Variants in PREX2 observed in about 807,000 individuals in gnomAD.
PREX2 encodes phosphatidylinositol 3,4,5-trisphosphate-dependent Rac exchanger 2 protein.
Under a neutral mutation model 203.2 loss-of-function variants are expected in PREX2, and 107 were observed. The observed-to-expected ratio is 0.53, with a 90% CI of 0.45 to 0.62. The LOEUF (loss-of-function observed/expected upper bound fraction) is 0.62, where lower values mean the gene tolerates loss of function less well. Among genes scored for constraint, PREX2 ranks in the 20% least tolerant of loss-of-function variants. The pLI is 0.00. For missense variants in PREX2, 1,777 were observed against 1,955.9 expected, an observed-to-expected ratio of 0.91 and a Z score of 1.72; for synonymous variants, 672 against 663.6, an observed-to-expected ratio of 1.01 and a Z score of -0.19.
chr8:68,116,418 C>T (rs1810660592), intron 26 of PREX2, among the ~76,000 whole-genome samples: 1 of 152,014 alleles, frequency 6.6e-6, no homozygotes, highest in African/African-American at 2.4e-5. Flanking sequence ...TCTTGGATAC[C>T]TTCTGTATTA....
intron 35 of PREX2, among the ~76,000 whole-genome samples, chr8:68,164,966 T>A (rs1300435394): frequency 6.7e-6 from 1 of 149,656 alleles, no homozygotes; most frequent in Non-Finnish European, 1.5e-5. Flanking sequence ...CAAAAGGAGC[T>A]AATTCCCTAA....
intron 14 of PREX2, among the ~76,000 whole-genome samples, chr8:68,076,449 T>TC (rs1172611605): frequency 6.7e-6 from 1 of 149,824 alleles, no homozygotes; most frequent in African/African-American, 2.4e-5. Context: ...AGAGTGAGAC[T>TC]CCATCTTAAA....
At chr8:67,954,010 C>T (rs150550832) in intron 1 of PREX2, among the ~76,000 whole-genome samples, 2 of 152,258 alleles carry the variant, frequency 1.3e-5, no homozygotes, top group East Asian at 1.9e-4. Context: ...AAGTACTGTG[C>T]AGAATGCTAA....
rs1458084329 is a variant in PREX2, at chr8:68,093,682, T to C, written c.2328T>C (p.Pro776=). 1.2e-6 allele frequency: 2 copies of C among 1,609,268 alleles called. No homozygotes were observed. Among genetic ancestry groups the C allele is most frequent in the East Asian group, 2.2e-5 (1 of 44,816 alleles). ...EDLQKSHSKP[P]GDEAGDAFDC... is the part of the protein sequence containing the mutation. The stretch of plus-strand genomic sequence containing the variant: ...TTCAAAAATCTCACTCCAAGCCCCC[T>C]GGAGATGAAGCAGGGGATGCTTTTG... The change falls in exon 21 of 40, where the codon CCT becomes CCC. Residue 776 remains proline (P), a synonymous_variant. Coordinates refer to ENST00000288368, the MANE Select transcript of PREX2 (RefSeq NM_024870.4).
Position 67,996,042 on chromosome 8 carries a change from A to T in PREX2, c.142-21804A>T, listed in dbSNP as rs184263173. ...TAATTTTAGTTCATGATATTTAGTT[A>T]ATAGTATTTTATTCTAATTTTAATT... On this transcript the variant is annotated intron_variant, in intron 1 of 39. Transcript: ENST00000288368. Among the ~76,000 whole-genome samples, 790 of 152,226 alleles carry T rather than the reference A, an allele frequency of 5.2e-3. 2 individuals are homozygous for T. Among genetic ancestry groups the T allele is most frequent in the Non-Finnish European group, 9.1e-3 (620 of 68,000 alleles).
At chr8:68,126,673 G>T (rs1810893277) in intron 30 of PREX2, among the ~76,000 whole-genome samples, 1 of 151,962 alleles carries the variant, frequency 6.6e-6, no homozygotes, top group Non-Finnish European at 1.5e-5. Context: ...CATTTAGCAG[G>T]AACTTTGTAA....
intron 1 of PREX2, among the ~76,000 whole-genome samples, chr8:67,988,771 G>A (rs918513242): frequency 3.3e-5 from 5 of 152,150 alleles, no homozygotes; most frequent in African/African-American, 4.8e-5. Context: ...GACAGGTCAC[G>A]CGTACATGAC....
intron 23 of PREX2, chr8:68,105,333 A>G: frequency 7.3e-7 from 1 of 1,367,488 alleles, no homozygotes; most frequent in Non-Finnish European, 9.8e-7. Context: ...TTCTCAAGAA[A>G]TGCTCTTAGC....
intron 37 of PREX2, among the ~76,000 whole-genome samples, chr8:68,205,524 T>C (rs1173767671): frequency 1.3e-5 from 2 of 152,332 alleles, no homozygotes; most frequent in South Asian, 2.1e-4. Context: ...TCTCTGCCTA[T>C]GTAGAACCGT....
At chr8:68,024,135 CTTA>C (rs1237023531) in intron 4 of PREX2, among the ~76,000 whole-genome samples, 2 of 151,828 alleles carry the variant, frequency 1.3e-5, no homozygotes, top group Non-Finnish European at 2.9e-5. Context: ...TGTTTAGTAA[CTTA>C]TTATATTTCT....
intron 1 of PREX2, among the ~76,000 whole-genome samples, chr8:67,965,039 C>T (rs1321077816): frequency 6.6e-6 from 1 of 152,112 alleles, no homozygotes. Flanking sequence ...AACTTGTTGA[C>T]TCCGGAAGTA....
chr8:68,216,699 G>C (rs998082987), intron 37 of PREX2, among the ~76,000 whole-genome samples: 1 of 151,990 alleles, frequency 6.6e-6, no homozygotes. Flanking sequence ...GCCGGGCACA[G>C]TGTAATCCCA....
intron 33 of PREX2, among the ~76,000 whole-genome samples, chr8:68,142,727 G>A (rs1811252285): frequency 6.6e-6 from 1 of 152,126 alleles, no homozygotes; most frequent in Non-Finnish European, 1.5e-5. Flanking sequence ...GTGGCTATGT[G>A]CATGGAGACT....
At chr8:68,124,789 T>C (rs745714188) in intron 30 of PREX2, among the ~76,000 whole-genome samples, 1 of 152,160 alleles carries the variant, frequency 6.6e-6, no homozygotes, top group Non-Finnish European at 1.5e-5. Context: ...ATGATAACTA[T>C]ATACATACTG....
chr8:67,973,614 C>T (rs778341277), intron 1 of PREX2, among the ~76,000 whole-genome samples: 1 of 152,142 alleles, frequency 6.6e-6, no homozygotes, highest in Non-Finnish European at 1.5e-5. Flanking sequence ...TTGTCACTTC[C>T]TATATAGGTT....
chr8:68,188,530 A>G (rs1293321444), intron 35 of PREX2, among the ~76,000 whole-genome samples: 1 of 152,238 alleles, frequency 6.6e-6, no homozygotes, highest in Non-Finnish European at 1.5e-5. Context: ...CATGTTGCTA[A>G]TAAAGACATA....
At chr8:68,200,957 A>G (rs1387490808) in intron 37 of PREX2, among the ~76,000 whole-genome samples, 5 of 152,200 alleles carry the variant, frequency 3.3e-5, no homozygotes, top group Non-Finnish European at 5.9e-5. Context: ...CTATTTGAGC[A>G]TATTAATAAA....
intron 1 of PREX2, among the ~76,000 whole-genome samples, chr8:67,990,286 T>C (rs2055456480): frequency 6.6e-6 from 1 of 151,592 alleles, no homozygotes; most frequent in Admixed American, 6.6e-5. Context: ...GCCCCAGGCC[T>C]GGAGTGAATC....
rs1020606328 is a variant in PREX2, at chr8:68,103,729, C to G, written c.2715+3886C>G. The G allele has an allele frequency of 9.6e-6, 5 of 519,406 alleles. No homozygotes were observed. The Admixed American group carries it at 9.7e-5, about 10-fold the overall frequency. 32.2% of individuals were successfully genotyped at this position (519,406 alleles called of 1,614,324 possible). A position where few individuals can be genotyped will look rare whatever the true frequency, so the allele number is the denominator to read the frequency against. On this transcript the variant is annotated intron_variant, in intron 23 of 39. Transcript: ENST00000288368. ...CTTAGTGGGATCTGATGCAGTTGAC[C>G]GTAAACCTCTACTTGGTGGTTCTCC...
Sources: gnomAD v4.1 joint callset for allele counts (sites outside exome capture counted in the v4.1 genomes callset) on GRCh38, gnomAD v4.1.1 for gene constraint, MANE v1.5 for transcripts, NCBI Gene and HGNC (gene_info 2026-07-23, HGNC 2026-07-21) for gene names.